The following FOXP1 variants were observed in gnomAD, a reference collection of about 807,000 sequenced individuals.
The protein encoded by FOXP1 is forkhead box P1.
Under a neutral mutation model 98.2 loss-of-function variants are expected in FOXP1, and 15 were observed. The ratio of observed to expected loss-of-function variants is 0.15; its 90% CI spans 0.10 to 0.24. The LOEUF is 0.24. Ranked by LOEUF, FOXP1 falls within the 10% of genes least tolerant of loss-of-function variation. FOXP1 has a pLI of 1.00. For synonymous variants in FOXP1, 371 were observed against 314.5 expected (o/e 1.18, Z -1.90); for missense variants, 633 against 848.5 (o/e 0.75, Z 3.15).
intron 5 of FOXP1, among the ~76,000 whole-genome samples, chr3:71,265,113 G>A (rs2107227564): frequency 6.6e-6 from 1 of 152,254 alleles, no homozygotes; most frequent in East Asian, 1.9e-4. Flanking sequence ...GGAATCTATA[G>A]GTGACTGGGG....
intron 2 of FOXP1, chr3:71,567,823 G>A (rs1175262328): frequency 4.6e-5 from 7 of 152,040 alleles, no homozygotes; most frequent in Middle Eastern, 3.4e-3. Context: ...CTGCCTTCAG[G>A]TTGTAGGCCC....
chr3:70,972,460 C>T (rs1263925891), intron 18 of FOXP1, 95 bp downstream of exon 18: 23 of 1,554,436 alleles, frequency 1.5e-5, no homozygotes, highest in Non-Finnish European at 2.0e-5. Context: ...GAAACCAGTT[C>T]TTTGGTCTAA....
At chr3:71,175,182 G>A (rs1246547990) in intron 6 of FOXP1, among the ~76,000 whole-genome samples, 2 of 152,190 alleles carry the variant, frequency 1.3e-5, no homozygotes, top group East Asian at 3.8e-4. Context: ...AAAGTGCTGG[G>A]ATTACAGGCT....
At chr3:70,987,221 G>GT (rs1480716711) in intron 14 of FOXP1, among the ~76,000 whole-genome samples, 4 of 151,824 alleles carry the variant, frequency 2.6e-5, no homozygotes, top group Non-Finnish European at 5.9e-5. Context: ...TTTTAGAAAC[G>GT]TAAGAGGAAT....
At chr3:71,543,292 A>G (rs1479860914) in intron 2 of FOXP1, 1 of 152,176 alleles carries the variant, frequency 6.6e-6, no homozygotes, top group African/African-American at 2.4e-5. Context: ...CCATGACTGA[A>G]TAATAATTTG....
intron 5 of FOXP1, among the ~76,000 whole-genome samples, chr3:71,232,873 G>A (rs1329382453): frequency 1.2e-4 from 1 of 8,164 alleles, no homozygotes; most frequent in Non-Finnish European, 3.3e-4. Context: ...GCAAAACTCT[G>A]TCTCAAAAAA....
At chr3:71,137,605 T>C (rs921413620) in intron 6 of FOXP1, among the ~76,000 whole-genome samples, 1 of 152,126 alleles carries the variant, frequency 6.6e-6, no homozygotes, top group Admixed American at 6.5e-5. Flanking sequence ...TTTGGGAGTT[T>C]TAGCTTTCAA....
intron 3 of FOXP1, among the ~76,000 whole-genome samples, chr3:71,439,978 T>C (rs906517901): frequency 6.6e-6 from 1 of 150,426 alleles, no homozygotes; most frequent in African/African-American, 2.4e-5. Flanking sequence ...GAGGAAGTTC[T>C]GAATCCTGCT....
chr3:71,164,757 A>G (rs4677584), intron 6 of FOXP1, among the ~76,000 whole-genome samples: 49,732 of 152,052 alleles, frequency 0.33, 8,812 homozygotes, highest in East Asian at 0.7. Flanking sequence ...CATTTTTTCA[A>G]TGAATAAAGC....
chr3:71,292,190 G>C (rs1188146599), intron 5 of FOXP1, among the ~76,000 whole-genome samples: 1 of 152,092 alleles, frequency 6.6e-6, no homozygotes, highest in African/African-American at 2.4e-5. Context: ...CCTTTTGAAA[G>C]GGAAACAGAC....
intron 3 of FOXP1, among the ~76,000 whole-genome samples, chr3:71,365,484 C>T (rs576525496): frequency 9.3e-5 from 14 of 150,458 alleles, no homozygotes; most frequent in African/African-American, 2.7e-4. Context: ...AGCTTTTTCT[C>T]ATCAATACAG....
chr3:71,194,694 G>T (rs1462331365), intron 6 of FOXP1, among the ~76,000 whole-genome samples: 1 of 152,104 alleles, frequency 6.6e-6, no homozygotes, highest in Non-Finnish European at 1.5e-5. Context: ...AAATGGTGCA[G>T]GGATAATAGG....
chr3:71,348,533 G>GTGCA (rs1553853192), intron 4 of FOXP1, among the ~76,000 whole-genome samples: 1 of 93,734 alleles, frequency 1.1e-5, no homozygotes, highest in Non-Finnish European at 2.8e-5. Flanking sequence ...GTGTGTGTGT[G>GTGCA]TGTGTGTGTG....
chr3:71,239,542 T>C (rs1395265407), intron 5 of FOXP1, among the ~76,000 whole-genome samples: 4 of 151,982 alleles, frequency 2.6e-5, no homozygotes, highest in Admixed American at 2.6e-4. Context: ...AGACTCCTTC[T>C]CAAAAACAAA....
intron 2 of FOXP1, among the ~76,000 whole-genome samples, chr3:71,577,128 A>G (rs1444408779): frequency 6.6e-6 from 1 of 152,214 alleles, no homozygotes; most frequent in Non-Finnish European, 1.5e-5. Flanking sequence ...CTTCTAAACA[A>G]GGATTGAAAA....
chr3:71,408,304 T>C (rs2082492115), intron 3 of FOXP1, among the ~76,000 whole-genome samples: 1 of 152,188 alleles, frequency 6.6e-6, no homozygotes, highest in African/African-American at 2.4e-5. Context: ...AGAAATGAAA[T>C]GCTGTAAGTG....
intron 3 of FOXP1, among the ~76,000 whole-genome samples, chr3:71,477,064 A>T (rs187402808): frequency 9.8e-5 from 15 of 152,288 alleles, no homozygotes; most frequent in African/African-American, 3.4e-4. Context: ...GTATCACCAG[A>T]GCCTTGAGCT....
intron 5 of FOXP1, among the ~76,000 whole-genome samples, chr3:71,203,938 G>GAGGAAGGAAGGAAGGAAGGA (rs3033228): frequency 1.7e-3 from 217 of 131,442 alleles, no homozygotes; most frequent in South Asian, 3.7e-3. Flanking sequence ...GAAAAGGAAG[G>GAGGAAGGAAGGAAGGAAGGA]AGGAAGGAAG....
chr3:71,540,526 G>C (rs574224788), intron 2 of FOXP1, among the ~76,000 whole-genome samples: 1 of 152,124 alleles, frequency 6.6e-6, no homozygotes, highest in East Asian at 1.9e-4. Flanking sequence ...ATAAACTTTC[G>C]TTAAGGACAA....
Sources: allele counts gnomAD v4.1 joint callset (sites outside exome capture counted in the v4.1 genomes callset), GRCh38; gene constraint gnomAD v4.1.1; transcripts MANE v1.5; gene names NCBI Gene and HGNC (gene_info 2026-07-23, HGNC 2026-07-21).